Variants in MYO3B observed in about 807,000 individuals in gnomAD.
MYO3B encodes myosin-IIIb.
A neutral mutation model predicts 174.6 loss-of-function variants in MYO3B; 156 were observed. The observed-to-expected ratio is 0.89, with a 90% CI of 0.78 to 1.02. MYO3B has a LOEUF of 1.02. Ranked by LOEUF, MYO3B falls within the 50% of genes least tolerant of loss-of-function variation. The pLI, the probability that MYO3B is intolerant of heterozygous loss-of-function variation, is 0.00. For synonymous variants in MYO3B, 563 were observed against 569.1 expected (o/e 0.99, Z 0.15); for missense variants, 1,632 against 1,639.4 (o/e 1.00, Z 0.08).
chr2:170,637,403 C>A (rs1175640428), intron 32 of MYO3B, among the ~76,000 whole-genome samples: 3 of 151,954 alleles, frequency 2.0e-5, no homozygotes, highest in Non-Finnish European at 4.4e-5. Flanking sequence ...AAACTCCTGG[C>A]CTCAAGTGAT....
intron 32 of MYO3B, among the ~76,000 whole-genome samples, chr2:170,645,781 A>C (rs6728807): frequency 2.6e-5 from 4 of 152,246 alleles, no homozygotes; most frequent in African/African-American, 9.6e-5. Flanking sequence ...TGCATGTACA[A>C]GCATAGATTT....
intron 32 of MYO3B, among the ~76,000 whole-genome samples, chr2:170,639,095 A>C (rs1030791671): frequency 2.0e-5 from 3 of 152,198 alleles, no homozygotes; most frequent in African/African-American, 7.2e-5. Context: ...AACCAACACT[A>C]TCTGGTGTCC....
At chr2:170,448,732 A>C (rs1683405608) in intron 23 of MYO3B, among the ~76,000 whole-genome samples, 3 of 152,222 alleles carry the variant, frequency 2.0e-5, no homozygotes, top group Admixed American at 2.0e-4. Context: ...TTTAGAATTT[A>C]ATCCAAATTG....
rs534347694 is a variant in MYO3B at position 170,198,698 on chromosome 2, A to G, written c.3-510A>G. On this transcript the variant is annotated intron_variant, in intron 1 of 34. Coordinates refer to ENST00000408978, the MANE Select transcript of MYO3B (RefSeq NM_138995.5). ...CTTTAAATTTACTTCTTTTCACTCA[A>G]GTTATCTAACATAGAGCGAGGATAA... Among the ~76,000 whole-genome samples, 161 of 152,260 alleles carry G rather than the reference A, an allele frequency of 1.1e-3. 1 individual carries two copies. Among genetic ancestry groups the G allele is most frequent in the Non-Finnish European group, 1.1e-3 (72 of 68,020 alleles).
intron 7 of MYO3B, among the ~76,000 whole-genome samples, chr2:170,243,633 A>T (rs773344581): frequency 3.3e-5 from 5 of 152,210 alleles, no homozygotes; most frequent in Non-Finnish European, 7.3e-5. Context: ...ATTGGTCAGA[A>T]TATTTCATAG....
intron 16 of MYO3B, among the ~76,000 whole-genome samples, chr2:170,394,052 G>A (rs891667563): frequency 2.0e-5 from 3 of 152,134 alleles, no homozygotes; most frequent in African/African-American, 7.2e-5. Flanking sequence ...CCTTAAAAGG[G>A]TACAGGAACC....
intron 22 of MYO3B, among the ~76,000 whole-genome samples, chr2:170,422,029 A>G (rs1377295354): frequency 6.6e-6 from 1 of 152,350 alleles, no homozygotes; most frequent in East Asian, 1.9e-4. Context: ...AGCTACCTGA[A>G]CTGGTACTTT....
At chr2:170,257,391 T>C (rs2093313541) in intron 7 of MYO3B, among the ~76,000 whole-genome samples, 1 of 152,080 alleles carries the variant, frequency 6.6e-6, no homozygotes, top group South Asian at 2.1e-4. Flanking sequence ...ACCATACTCT[T>C]GGACCACAGT....
intron 32 of MYO3B, among the ~76,000 whole-genome samples, chr2:170,638,676 T>G (rs1227308807): frequency 6.6e-6 from 1 of 152,168 alleles, no homozygotes; most frequent in African/African-American, 2.4e-5. Context: ...CAGGCATGTC[T>G]CTCACTGCAC....
At chr2:170,329,749 T>A (rs1343974745) in intron 7 of MYO3B, among the ~76,000 whole-genome samples, 1 of 152,076 alleles carries the variant, frequency 6.6e-6, no homozygotes, top group Admixed American at 6.6e-5. Context: ...TGTAAACTTT[T>A]AAAAATAATT....
intron 31 of MYO3B, among the ~76,000 whole-genome samples, chr2:170,543,472 T>C (rs1275532897): frequency 1.3e-5 from 2 of 152,318 alleles, no homozygotes; most frequent in East Asian, 1.9e-4. Flanking sequence ...GCTGAGCATA[T>C]GTAAGATTAA....
chr2:170,263,900 C>G (rs186580122), intron 7 of MYO3B, among the ~76,000 whole-genome samples: 1 of 152,168 alleles, frequency 6.6e-6, no homozygotes, highest in African/African-American at 2.4e-5. Flanking sequence ...TTTCCCTTCC[C>G]GTGAGGCCAT....
chr2:170,414,686 G>T (rs2094567158), intron 22 of MYO3B, among the ~76,000 whole-genome samples: 1 of 152,154 alleles, frequency 6.6e-6, no homozygotes, highest in Non-Finnish European at 1.5e-5. Flanking sequence ...TAGCAACCTT[G>T]CTATGTTGAA....
intron 32 of MYO3B, among the ~76,000 whole-genome samples, chr2:170,612,485 A>G (rs978804623): frequency 3.9e-5 from 6 of 152,136 alleles, no homozygotes; most frequent in Middle Eastern, 6.8e-3. Flanking sequence ...CCCCTCATTA[A>G]CTGCTAAACT....
chr2:170,366,519 C>T (rs2094199710), intron 8 of MYO3B, among the ~76,000 whole-genome samples: 1 of 152,096 alleles, frequency 6.6e-6, no homozygotes, highest in Non-Finnish European at 1.5e-5. Flanking sequence ...CTCTTGAACT[C>T]CTGGGCTCAA....
At chr2:170,344,121 A>C (rs2093997861) in intron 8 of MYO3B, 1 of 152,188 alleles carries the variant, frequency 6.6e-6, no homozygotes, top group Admixed American at 6.5e-5. Context: ...TCTGACATTC[A>C]CATACTTATT....
intron 7 of MYO3B, among the ~76,000 whole-genome samples, chr2:170,322,046 G>A (rs1183726338): frequency 1.3e-5 from 2 of 151,434 alleles, no homozygotes; most frequent in Non-Finnish European, 2.9e-5. Context: ...CCCGGGAGGT[G>A]GAGGTTGCAG....
intron 32 of MYO3B, among the ~76,000 whole-genome samples, chr2:170,624,380 G>C (rs1168161369): frequency 6.6e-6 from 1 of 152,018 alleles, no homozygotes; most frequent in African/African-American, 2.4e-5. Context: ...TGTTATTGGT[G>C]TATAAGACTG....
chr2:170,486,770 C>T (rs1455321480), intron 25 of MYO3B, among the ~76,000 whole-genome samples: 2 of 152,316 alleles, frequency 1.3e-5, no homozygotes, highest in East Asian at 3.9e-4. Flanking sequence ...ATTCACTCCC[C>T]AGCTCCTGAA....
Sources: gnomAD v4.1 joint callset for allele counts (sites outside exome capture counted in the v4.1 genomes callset) on GRCh38, gnomAD v4.1.1 for gene constraint, MANE v1.5 for transcripts, NCBI Gene and HGNC (gene_info 2026-07-23, HGNC 2026-07-21) for gene names.